Variants in SARAF observed in about 807,000 individuals in gnomAD.
SARAF encodes the protein store-operated calcium entry-associated regulatory factor.
Under a neutral mutation model 39.7 loss-of-function variants are expected in SARAF, and 23 were observed. The observed-to-expected ratio is 0.58, with a 90% CI of 0.42 to 0.82. The LOEUF is 0.82. Among genes scored for constraint, SARAF ranks in the 40% least tolerant of loss-of-function variants. SARAF has a pLI of 0.00. For synonymous variants in SARAF, 175 were observed against 168.5 expected, an observed-to-expected ratio of 1.04 and a Z score of -0.30; for missense variants, 384 against 418.5, an observed-to-expected ratio of 0.92 and a Z score of 0.72.
At position 30,066,771 on chromosome 8, in the gene SARAF, G is replaced by C; in HGVS notation, c.842+6C>G. ...AGAGCAAGTGAGATCAATGCAAAAA[G>C]CTTACCTATTGCTGCCAAACAAATA... On this transcript the variant is annotated splice_donor_region_variant and intron_variant, in intron 4 of 5. Coordinates refer to ENST00000256255, the MANE Select transcript of SARAF (RefSeq NM_016127.6). 6.2e-7 allele frequency: 1 copy of C among 1,614,030 alleles called. No individual in the cohort carries two copies. Among genetic ancestry groups the C allele is most frequent in the Non-Finnish European group, 8.5e-7 (1 of 1,179,960 alleles).
At chr8:30,082,595 C>T (rs1802131209) in intron 1 of SARAF, among the ~76,000 whole-genome samples, 1 of 152,180 alleles carries the variant, frequency 6.6e-6, no homozygotes, top group African/African-American at 2.4e-5. Context: ...GAGTCCGGGG[C>T]AGGGAGAAAG....
Position 30,082,893 on chromosome 8 carries a change from A to G in SARAF, c.57T>C (p.His19=). 6.4e-7 allele frequency: 1 copy of G among 1,562,224 alleles called. No homozygotes were observed. The highest frequency in any genetic ancestry group is 8.7e-7 in the Non-Finnish European group (1 of 1,155,160). ...CAGGGCCCGCGGTCAGCAGAAACAA[A>G]TGCAAGCCGAGGAGCAAGCAGTACC... ...AAGYCLLLGL[H]LFLLTAGPAL... The change falls in exon 1 of 6, where the codon CAT becomes CAC. Residue 19 remains histidine (H), a synonymous_variant. Coordinates refer to ENST00000256255, the MANE Select transcript of SARAF (RefSeq NM_016127.6).
chr8:30,076,520 A>T (rs4733316), intron 1 of SARAF, among the ~76,000 whole-genome samples: 1 of 152,234 alleles, frequency 6.6e-6, no homozygotes, highest in East Asian at 1.9e-4. Flanking sequence ...GTTCCCCAGA[A>T]TTAACCATGA....
intron 5 of SARAF, among the ~76,000 whole-genome samples, chr8:30,064,592 TG>T (rs1801640559): frequency 8.0e-6 from 1 of 125,050 alleles, no homozygotes; most frequent in African/African-American, 3.1e-5. Flanking sequence ...GACAGAGTTT[TG>T]CTCTTGTTGC....
chr8:30,065,454 T>C (rs746578450), intron 5 of SARAF, among the ~76,000 whole-genome samples: 3 of 152,194 alleles, frequency 2.0e-5, no homozygotes, highest in Non-Finnish European at 2.9e-5. Flanking sequence ...TTCCTTTTCC[T>C]GAAAGACAAA....
chr8:30,066,110 T>A lies in SARAF; in HGVS notation c.872A>T (p.Tyr291Phe), dbSNP rs761914339. The A allele has an allele frequency of 1.6e-5, 26 of 1,614,024 alleles. No homozygotes were observed. Among genetic ancestry groups the A allele is most frequent in the Non-Finnish European group, 2.2e-5 (26 of 1,180,018 alleles). Residue 291 changes from tyrosine (Y) to phenylalanine (F), a missense_variant, in exon 5 of 6, where the codon TAC (tyrosine) becomes TTC (phenylalanine). By Grantham distance (22) the Tyr-to-Phe change is conservative. Transcript: ENST00000256255. ...RAATPFSDSW[Y>F]YPSYPPSYPG... The stretch of plus-strand genomic sequence containing the variant: ...GTAGGAGGGAGGATAGGACGGGTAG[T>A]ACCACGAGTCTGAGAAGGGTGTTGC...
At chr8:30,082,679 G>C (rs933520191) in intron 1 of SARAF, 168 bp downstream of exon 1, 2 of 537,770 alleles carry the variant, frequency 3.7e-6, no homozygotes, top group Non-Finnish European at 6.6e-6. Flanking sequence ...AGACGCCTGG[G>C]AAGAGCAGTG....
Position 30,063,638 on chromosome 8 carries a change from G to C in SARAF, c.*250C>G. On this transcript the variant is annotated 3_prime_UTR_variant, in exon 6 of 6. Transcript: ENST00000256255. ...ATTAATGTATTTTTAGCATTCCACA[G>C]TAATGATCACTTTCAAAAACTGCAA... 2 of 536,808 alleles carry C rather than the reference G, an allele frequency of 3.7e-6. No homozygotes were observed. The highest frequency in any genetic ancestry group is 4.9e-5 in the South Asian group (2 of 40,758). 33.3% of individuals were successfully genotyped at this position (536,808 alleles called of 1,614,324 possible). A position where few individuals can be genotyped will look rare whatever the true frequency, so the allele number is the denominator to read the frequency against.
rs181979095 is a variant in SARAF at position 30,074,041 on chromosome 8, G to A, written c.118C>T (p.Arg40Trp). 16 of 1,613,286 alleles carry A rather than the reference G, an allele frequency of 9.9e-6. No individual in the cohort carries two copies. The highest frequency in any genetic ancestry group is 5.0e-5 in the Admixed American group (3 of 59,896). ...GWNDPDRMLLRDVKALTLHYD... is the reference protein window; with the variant it reads ...GWNDPDRMLLWDVKALTLHYD... Reference sequence around the variant, plus strand: ...TGGAGGGTAAGAGCTTTTACATCCCGCAGCAACATTCTGTCTGAAACAGCA... The same window carrying A: ...TGGAGGGTAAGAGCTTTTACATCCCACAGCAACATTCTGTCTGAAACAGCA... Residue 40 changes from arginine to tryptophan, a missense_variant, in exon 2 of 6, where the codon CGG becomes TGG. Arg to Trp is a moderately radical substitution (Grantham distance 101, BLOSUM62 -3). Coordinates refer to ENST00000256255, the MANE Select transcript of SARAF (RefSeq NM_016127.6).
At chr8:30,069,254 C>T (rs1387212747) in intron 3 of SARAF, among the ~76,000 whole-genome samples, 1 of 150,570 alleles carries the variant, frequency 6.6e-6, no homozygotes, top group Non-Finnish European at 1.5e-5. Flanking sequence ...ATTCTCATGC[C>T]TCAGTCTCCC....
At chr8:30,078,117 G>A (rs1457371250) in intron 1 of SARAF, 2 of 298,254 alleles carry the variant, frequency 6.7e-6, no homozygotes, top group Non-Finnish European at 1.3e-5. Context: ...TCCAGCCTGG[G>A]GGACAGAGCT....
At chr8:30,069,135 T>TA in intron 3 of SARAF, among the ~76,000 whole-genome samples, 1 of 1,950 alleles carries the variant, frequency 5.1e-4, no homozygotes, top group Non-Finnish European at 1.5e-3. Flanking sequence ...TAATCAGGCA[T>TA]TTTTTTTTTT....
intron 2 of SARAF, among the ~76,000 whole-genome samples, chr8:30,072,934 A>G (rs1029340255): frequency 1.3e-5 from 2 of 152,182 alleles, no homozygotes; most frequent in Non-Finnish European, 2.9e-5. Flanking sequence ...TCATTTTTGT[A>G]TATTGCAATT....
intron 1 of SARAF, among the ~76,000 whole-genome samples, chr8:30,075,980 C>CT (rs1563356169): frequency 8.0e-5 from 7 of 88,024 alleles, no homozygotes; most frequent in Non-Finnish European, 1.3e-4. Flanking sequence ...AACAGAATCC[C>CT]TAAAAAAAAA....
chr8:30,082,752 G>A (rs1043033127), intron 1 of SARAF, 95 bp downstream of exon 1: 11 of 982,420 alleles, frequency 1.1e-5, no homozygotes, highest in African/African-American at 1.0e-4. Flanking sequence ...CCCAGGCTCC[G>A]GGAAGACGGC....
intron 5 of SARAF, among the ~76,000 whole-genome samples, chr8:30,064,551 A>T (rs1378612321): frequency 0.59 from 26,803 of 45,646 alleles, 9,250 homozygotes; most frequent in Admixed American, 0.67. Flanking sequence ...ATATATATAT[A>T]TATATATATA....
chr8:30,063,886 C>G lies in SARAF; in HGVS notation c.*2G>C, dbSNP rs758946398. On this transcript the variant is annotated 3_prime_UTR_variant, in exon 6 of 6. Coordinates refer to ENST00000256255, the MANE Select transcript of SARAF (RefSeq NM_016127.6). ...TCCAGTGTTTGACTCCAACTTTCTA[C>G]TTTATCGTCTCCTGGTACCACCATA... 8.1e-6 allele frequency: 13 copies of G among 1,613,170 alleles called. No homozygotes were observed. The South Asian group carries it at 1.4e-4, about 18-fold the overall frequency.
At chr8:30,071,580 C>T (rs979552162) in intron 2 of SARAF, among the ~76,000 whole-genome samples, 1 of 152,160 alleles carries the variant, frequency 6.6e-6, no homozygotes, top group Non-Finnish European at 1.5e-5. Context: ...AGAATATTTT[C>T]GTCACCCCAA....
rs1387887357 is a variant in SARAF at position 30,064,551 on chromosome 8, A to AT, written c.995-639dup. Reference sequence around the variant, plus strand: ...TACCTAGCCATATATATATATATATATATATATATATTTTTTTTTTTTTTT... The same window carrying AT: ...TACCTAGCCATATATATATATATATATTATATATATATTTTTTTTTTTTTTT... On this transcript the variant is annotated intron_variant, in intron 5 of 5. Coordinates refer to ENST00000256255, the MANE Select transcript of SARAF (RefSeq NM_016127.6). 8.4e-3 allele frequency among the ~76,000 whole-genome samples: 386 copies of AT among 46,060 alleles called. 33 individuals carry two copies. Among genetic ancestry groups the AT allele is most frequent in the African/African-American group, 0.021 (210 of 9,806 alleles). The allele number at this position is 46,060 out of a possible 152,430, so 30.2% of individuals were successfully genotyped here.
Sources: allele counts gnomAD v4.1 joint callset (sites outside exome capture counted in the v4.1 genomes callset), GRCh38; gene constraint gnomAD v4.1.1; transcripts MANE v1.5; gene names NCBI Gene and HGNC (gene_info 2026-07-23, HGNC 2026-07-21).